Variants in FXR1 observed in about 807,000 individuals in gnomAD.
FXR1 encodes the protein RNA-binding protein FXR1.
FXR1 carries 15 observed loss-of-function variants against 84.0 expected under a neutral mutation model. That is an observed-to-expected ratio of 0.18 (90% CI 0.12 to 0.27). The LOEUF (loss-of-function observed/expected upper bound fraction) is 0.27, where lower values mean the gene tolerates loss of function less well. Ranked by LOEUF, FXR1 falls within the 10% of genes least tolerant of loss-of-function variation. The probability of loss-of-function intolerance (pLI) is 1.00; values close to 1 mark genes in which losing one functional copy is unlikely to be tolerated. For missense variants in FXR1, 480 were observed against 774.4 expected (o/e 0.62, Z 4.51); for synonymous variants, 245 against 250.7 (o/e 0.98, Z 0.21).
intron 1 of FXR1, among the ~76,000 whole-genome samples, chr3:180,917,938 C>T (rs1718095713): frequency 8.4e-6 from 1 of 119,308 alleles, no homozygotes; most frequent in Admixed American, 1.0e-4. Context: ...CAGAGTGAGA[C>T]TCTGTCTCCA....
At chr3:180,915,464 G>A (rs1410042363) in intron 1 of FXR1, 3 of 1,371,360 alleles carry the variant, frequency 2.2e-6, no homozygotes, top group African/African-American at 1.4e-5. Context: ...CTTCCATTTA[G>A]CGTAGAAGCA....
At chr3:180,915,844 T>C (rs1195965113) in intron 1 of FXR1, among the ~76,000 whole-genome samples, 1 of 152,268 alleles carries the variant, frequency 6.6e-6, no homozygotes, top group African/African-American at 2.4e-5. Context: ...AAGATCTGAA[T>C]ATTTTACCTA....
chr3:180,913,283 C>G (rs1346140887), intron 1 of FXR1, among the ~76,000 whole-genome samples: 2 of 152,116 alleles, frequency 1.3e-5, no homozygotes, highest in Admixed American at 1.3e-4. Context: ...ATGGGGGTAC[C>G]GGATTGAGGG....
At chr3:180,972,692 G>T (rs1713733341) in intron 15 of FXR1, among the ~76,000 whole-genome samples, 1 of 152,174 alleles carries the variant, frequency 6.6e-6, no homozygotes, top group Non-Finnish European at 1.5e-5. Flanking sequence ...GGTATTAATT[G>T]CAACTTGAGT....
At chr3:180,926,270 T>G (rs1229331137) in intron 1 of FXR1, among the ~76,000 whole-genome samples, 1 of 151,974 alleles carries the variant, frequency 6.6e-6, no homozygotes, top group Non-Finnish European at 1.5e-5. Context: ...GTAAGAATAC[T>G]TGATCAGGTT....
At chr3:180,933,697 A>C (rs1032298313) in intron 2 of FXR1, among the ~76,000 whole-genome samples, 1 of 152,226 alleles carries the variant, frequency 6.6e-6, no homozygotes, top group African/African-American at 2.4e-5. Context: ...GAGGTTGTAG[A>C]AGGTCTTCCA....
chr3:180,957,902 A>C lies in FXR1; in HGVS notation c.964A>C (p.Asn322His), dbSNP rs1477642898. Residue 322 changes from asparagine to histidine, a missense_variant, in exon 10 of 17, where the codon AAT becomes CAT. Asn to His is a moderately conservative substitution (Grantham distance 68). This residue lies in a region of FXR1 where 33 missense variants were observed against 42.4 expected (regional missense o/e 0.78). Coordinates refer to ENST00000357559, the MANE Select transcript of FXR1 (RefSeq NM_005087.4). The part of the protein sequence containing the change: ...GVVRVRIEGD[N>H]ENKLPREDGM... ...GGTTCGAGTGAGAATTGAAGGGGAC[A>C]ATGAAAATAAATTACCCAGAGAAGA... The C allele has an allele frequency of 2.0e-6, 3 of 1,530,288 alleles. No homozygotes were observed. The allele number at this position is 1,530,288 out of a possible 1,614,324, so 94.8% of individuals were successfully genotyped here. A position where few individuals can be genotyped will look rare whatever the true frequency, so the allele number is the denominator to read the frequency against.
chr3:180,972,919 A>G (rs964614435), intron 15 of FXR1, among the ~76,000 whole-genome samples: 2 of 152,184 alleles, frequency 1.3e-5, no homozygotes, highest in Non-Finnish European at 2.9e-5. Flanking sequence ...TAAAGCTAAT[A>G]TCAATATTCT....
chr3:180,971,344 G>C (rs527892844), intron 15 of FXR1: 15 of 171,286 alleles, frequency 8.8e-5, no homozygotes, highest in South Asian at 6.9e-4. Context: ...CCTTCACAGT[G>C]TGTTAGTAAC....
intron 12 of FXR1, 40 bp downstream of exon 12, chr3:180,962,980 A>G: frequency 6.2e-7 from 1 of 1,608,716 alleles, no homozygotes; most frequent in Non-Finnish European, 8.5e-7. Flanking sequence ...GGGCCTGAAA[A>G]AGAGAAAGGA....
At position 180,935,208 on chromosome 3, in the gene FXR1, AT is replaced by A; in HGVS notation, c.177del (p.Ser60ValfsTer6). On this transcript the variant is annotated frameshift_variant, in exon 3 of 17. Coordinates refer to ENST00000357559, the MANE Select transcript of FXR1 (RefSeq NM_005087.4). LOFTEE classifies it high-confidence loss of function. Reference protein sequence around the residue: ...LPPPPDIKKEISEGDEVEVYS... With the variant: ...LPPPPDIKKEXSEGDEVEVYS... ...ACCACCACCTGATATAAAAAAAGAA[AT>A]TAGTGAAGGAGATGAAGTAGAGGTA... 6.6e-7 allele frequency: 1 copy of A among 1,506,456 alleles called. No homozygotes were observed. The highest frequency in any genetic ancestry group is 9.2e-7 in the Non-Finnish European group (1 of 1,082,490). The allele number at this position is 1,506,456 out of a possible 1,614,324, so 93.3% of individuals were successfully genotyped here. A position where few individuals can be genotyped will look rare whatever the true frequency, so the allele number is the denominator to read the frequency against.
At chr3:180,921,632 A>G (rs1718603868) in intron 1 of FXR1, among the ~76,000 whole-genome samples, 1 of 152,034 alleles carries the variant, frequency 6.6e-6, no homozygotes, top group South Asian at 2.1e-4. Flanking sequence ...AGCATCTTAT[A>G]AGTTTATATC....
intron 10 of FXR1, 94 bp downstream of exon 10, chr3:180,958,022 A>G: frequency 3.9e-6 from 2 of 518,262 alleles, no homozygotes; most frequent in South Asian, 3.9e-5. Context: ...TCTGATACAG[A>G]GGGTTTTTCT....
chr3:180,981,817 A>G lies in FXR1; in HGVS notation c.*5525A>G, dbSNP rs1220791905. 1.3e-5 allele frequency: 2 copies of G among 152,058 alleles called. No homozygotes were observed. The highest frequency in any genetic ancestry group is 6.6e-5 in the Admixed American group (1 of 15,256). The allele number at this position is 152,058 out of a possible 1,614,324, so 9.4% of individuals were successfully genotyped here. A position where few individuals can be genotyped will look rare whatever the true frequency, so the allele number is the denominator to read the frequency against. On this transcript the variant is annotated 3_prime_UTR_variant, in exon 17 of 17. Coordinates refer to ENST00000357559, the MANE Select transcript of FXR1 (RefSeq NM_005087.4). ...GGTCATGTATATTTCCCTTTTACAG[A>G]GAAAGCTGAAGCCTCGAGGCTCAGA...
intron 1 of FXR1, among the ~76,000 whole-genome samples, chr3:180,931,072 TAG>T (rs915007780): frequency 1.7e-4 from 19 of 113,456 alleles, no homozygotes; most frequent in Admixed American, 1.5e-3. Flanking sequence ...CTACTAGAAA[TAG>T]AGAAACTGGC....
chr3:180,938,480 G>A (rs746955518), intron 3 of FXR1, among the ~76,000 whole-genome samples: 8 of 152,128 alleles, frequency 5.3e-5, no homozygotes, highest in Non-Finnish European at 1.2e-4. Context: ...TCTGTGAATT[G>A]TCTATTTTTT....
chr3:180,921,222 G>A (rs1718549288), intron 1 of FXR1, among the ~76,000 whole-genome samples: 1 of 151,934 alleles, frequency 6.6e-6, no homozygotes, highest in Non-Finnish European at 1.5e-5. Context: ...ACAAAAATTA[G>A]CAGGGCATGG....
chr3:180,934,660 T>TA (rs1720321726), intron 2 of FXR1, among the ~76,000 whole-genome samples: 1 of 152,216 alleles, frequency 6.6e-6, no homozygotes, highest in Admixed American at 6.5e-5. Context: ...TGAACATGTA[T>TA]ACTAAAAAGA....
chr3:180,932,672 G>A (rs1431278021), intron 1 of FXR1, among the ~76,000 whole-genome samples: 1 of 152,152 alleles, frequency 6.6e-6, no homozygotes, highest in Non-Finnish European at 1.5e-5. Context: ...ATCGTGAACA[G>A]TGTACTCACT....
Sources: allele counts gnomAD v4.1 joint callset (sites outside exome capture counted in the v4.1 genomes callset), GRCh38; gene constraint gnomAD v4.1.1; regional missense constraint gnomAD v4.1.1; transcripts MANE v1.5; gene names NCBI Gene and HGNC (gene_info 2026-07-23, HGNC 2026-07-21).